The following RBFOX2 variants were observed in gnomAD, a reference collection of about 807,000 sequenced individuals.
RBFOX2 encodes RNA binding fox-1 homolog 2, also known as RNA binding protein fox-1 homolog 2.
In RBFOX2, 10 loss-of-function variants were observed where a neutral mutation model predicts 49.1. The observed-to-expected ratio is 0.20, with a 90% CI of 0.13 to 0.35. RBFOX2 has a LOEUF of 0.35. Ranked by LOEUF, RBFOX2 falls within the 10% of genes least tolerant of loss-of-function variation. RBFOX2 has a pLI of 1.00. For missense variants in RBFOX2, 323 were observed against 486.9 expected (o/e 0.66, Z 3.17); for synonymous variants, 183 against 187.4 (o/e 0.98, Z 0.19).
rs866101150 is a variant in RBFOX2 at position 35,946,510 on chromosome 22, G to A, written c.43-7613C>T. 2.6e-5 allele frequency among the ~76,000 whole-genome samples: 4 copies of A among 152,312 alleles called. No homozygotes were observed. In the South Asian group the frequency reaches 6.2e-4, roughly 24 times the overall value. ...GTGACATCCAATGAGATAATCAGGTGACGCTTATCTGGCACAATATTTAAC... is the reference window on the plus strand; with the variant it reads ...GTGACATCCAATGAGATAATCAGGTAACGCTTATCTGGCACAATATTTAAC... On this transcript the variant is annotated intron_variant, in intron 1 of 5. Transcript: ENST00000408983.
intron 1 of RBFOX2, among the ~76,000 whole-genome samples, chr22:35,921,132 T>C (rs73161712): frequency 6.0e-3 from 913 of 152,340 alleles, no homozygotes; most frequent in Non-Finnish European, 0.01. Flanking sequence ...AGGGTTCAAA[T>C]CCCTATTCTA....
At chr22:36,026,110 A>G (rs866230633) in intron 1 of RBFOX2, among the ~76,000 whole-genome samples, 1 of 151,954 alleles carries the variant, frequency 6.6e-6, no homozygotes, top group African/African-American at 2.4e-5. Context: ...ACTAAAAATA[A>G]GAAAAATTAG....
At chr22:35,824,519 T>C (rs1173397952) in intron 1 of RBFOX2, 2 of 152,190 alleles carry the variant, frequency 1.3e-5, no homozygotes, top group African/African-American at 2.4e-5. Context: ...CAACATTGAA[T>C]CCTTTATCAC....
intron 4 of RBFOX2, among the ~76,000 whole-genome samples, chr22:35,768,607 C>T (rs773002322): frequency 5.3e-5 from 8 of 152,012 alleles, no homozygotes; most frequent in Non-Finnish European, 8.8e-5. Flanking sequence ...GCATATGAGG[C>T]CAGACCAAAA....
intron 1 of RBFOX2, among the ~76,000 whole-genome samples, chr22:35,885,843 ATTT>A (rs538674450): frequency 4.5e-4 from 37 of 83,134 alleles, no homozygotes; most frequent in African/African-American, 1.8e-3. Context: ...CCCAAACCTA[ATTT>A]TTTTTTTTTT....
intron 3 of RBFOX2, among the ~76,000 whole-genome samples, chr22:35,780,058 C>A (rs1211280871): frequency 2.0e-5 from 3 of 152,160 alleles, no homozygotes; most frequent in Non-Finnish European, 2.9e-5. Context: ...GTTTCTTCTG[C>A]GTAACCCAAG....
chr22:35,905,438 C>T (rs2049020518), intron 1 of RBFOX2, among the ~76,000 whole-genome samples: 1 of 152,024 alleles, frequency 6.6e-6, no homozygotes, highest in Non-Finnish European at 1.5e-5. Context: ...TAAAAATGCC[C>T]ACTATTTTAC....
At chr22:35,864,101 C>A (rs2043402188) in intron 1 of RBFOX2, among the ~76,000 whole-genome samples, 1 of 152,096 alleles carries the variant, frequency 6.6e-6, no homozygotes, top group Non-Finnish European at 1.5e-5. Context: ...AATTAATATG[C>A]AAAGTAAACA....
intron 1 of RBFOX2, among the ~76,000 whole-genome samples, chr22:35,956,362 ATTT>A (rs542743357): frequency 2.1e-5 from 3 of 144,486 alleles, no homozygotes; most frequent in African/African-American, 7.6e-5. Flanking sequence ...GGCTTGCTTC[ATTT>A]TTTTTTTTTT....
intron 8 of RBFOX2, 88 bp from the exon 10 acceptor site, chr22:35,760,108 AAAAGATGG>A (rs1456313887): frequency 6.5e-7 from 1 of 1,532,414 alleles, no homozygotes; most frequent in Non-Finnish European, 9.0e-7. Flanking sequence ...CCAATTATAG[AAAAGATGG>A]AAAGATACGA....
rs377349795 is a variant in RBFOX2 at position 35,761,996 on chromosome 22, C to T, written c.608-528G>A. On this transcript the variant is annotated intron_variant, in intron 6 of 11. Coordinates refer to ENST00000405409, the Ensembl canonical transcript of RBFOX2. The stretch of plus-strand genomic sequence containing the variant: ...AGGTAAACTGAAATCCACTTTTACT[C>T]GGATTTACCATTGGGATTTTACTGG... Among the ~76,000 whole-genome samples, 99 of 152,164 alleles carry T rather than the reference C, an allele frequency of 6.5e-4. No homozygotes were observed. In the South Asian group the frequency reaches 9.1e-3, roughly 14 times the overall value.
intron 1 of RBFOX2, chr22:35,993,137 AGTGTTAAAAGCCC>A (rs1255757076): frequency 6.6e-6 from 1 of 152,242 alleles, no homozygotes; most frequent in Non-Finnish European, 1.5e-5. Flanking sequence ...TGCATATACA[AGTGTTAAAAGCCC>A]AAGCAAAGCT....
chr22:35,853,388 T>C (rs1209797193), intron 1 of RBFOX2, among the ~76,000 whole-genome samples: 3 of 152,080 alleles, frequency 2.0e-5, no homozygotes, highest in East Asian at 3.8e-4. Context: ...GGGGTATGCA[T>C]GCATGTATGA....
Position 35,921,558 on chromosome 22 carries a change from T to G in RBFOX2, c.-34+17289A>C, listed in dbSNP as rs548630827. ...AAGTGCTCTTTCACATCAAAAGTAT[T>G]TCAGGAATACATGCTCACTGGATAC... is the stretch of plus-strand genomic sequence containing the variant. On this transcript the variant is annotated intron_variant, in intron 1 of 13. Coordinates refer to the RBFOX2 transcript ENST00000359369. 9.2e-5 allele frequency among the ~76,000 whole-genome samples: 14 copies of G among 152,318 alleles called. No homozygotes were observed. In the South Asian group the frequency reaches 2.9e-3, roughly 32 times the overall value.
intron 1 of RBFOX2, among the ~76,000 whole-genome samples, chr22:35,820,218 T>C (rs1171807263): frequency 6.6e-6 from 1 of 152,110 alleles, no homozygotes; most frequent in East Asian, 1.9e-4. Flanking sequence ...TGGTCAGAAT[T>C]AGGTTTTAAA....
intron 2 of RBFOX2, among the ~76,000 whole-genome samples, chr22:35,788,898 T>C (rs2147395472): frequency 6.6e-6 from 1 of 152,334 alleles, no homozygotes; most frequent in East Asian, 1.9e-4. Flanking sequence ...GCTACACATT[T>C]TCTTTCGGGA....
rs2051441112 is a variant in RBFOX2, at chr22:35,924,911, C to T, written c.-34+13936G>A. 3.3e-5 allele frequency among the ~76,000 whole-genome samples: 5 copies of T among 152,144 alleles called. No homozygotes were observed. The South Asian group carries it at 1.0e-3, about 32-fold the overall frequency. ...AGGCTGGGCTGGGCATGGTGGCTCA[C>T]GCCTGTAATCCCAGCACTCTGGGAA... On this transcript the variant is annotated intron_variant, in intron 1 of 13. Coordinates refer to the RBFOX2 transcript ENST00000359369.
At chr22:35,864,196 A>G (rs577888342) in intron 1 of RBFOX2, among the ~76,000 whole-genome samples, 2 of 152,346 alleles carry the variant, frequency 1.3e-5, no homozygotes, top group South Asian at 4.1e-4. Context: ...ATATCAAAAA[A>G]TAAAGCCAGT....
At chr22:35,815,426 C>CTA (rs1260425249) in intron 1 of RBFOX2, among the ~76,000 whole-genome samples, 1 of 152,170 alleles carries the variant, frequency 6.6e-6, no homozygotes, top group African/African-American at 2.4e-5. Flanking sequence ...TCTAGGATAA[C>CTA]TAAAGTCTAT....
Sources: gnomAD v4.1 joint callset for allele counts (sites outside exome capture counted in the v4.1 genomes callset) on GRCh38, gnomAD v4.1.1 for gene constraint, MANE v1.5 for transcripts, NCBI Gene and HGNC (gene_info 2026-07-23, HGNC 2026-07-21) for gene names.